Variants in ATP8A2 observed in about 807,000 individuals in gnomAD.
ATP8A2 encodes the protein phospholipid-transporting ATPase IB.
ATP8A2 carries 100 observed loss-of-function variants against 165.6 expected under a neutral mutation model. The ratio of observed to expected loss-of-function variants is 0.60; its 90% CI spans 0.51 to 0.71. ATP8A2 has a LOEUF of 0.71. Ranked by LOEUF, ATP8A2 falls within the 30% of genes least tolerant of loss-of-function variation. The probability of loss-of-function intolerance (pLI) is 0.00; values close to 1 mark genes in which losing one functional copy is unlikely to be tolerated. For missense variants in ATP8A2, 1,227 were observed against 1,479.5 expected (o/e 0.83, Z 2.80); for synonymous variants, 543 against 548.8 (o/e 0.99, Z 0.15).
intron 25 of ATP8A2, among the ~76,000 whole-genome samples, chr13:25,742,295 A>G (rs975790715): frequency 6.6e-6 from 1 of 152,094 alleles, no homozygotes; most frequent in Non-Finnish European, 1.5e-5. Context: ...ATATGCAAAA[A>G]CATCGTTATG....
intron 33 of ATP8A2, among the ~76,000 whole-genome samples, chr13:25,874,870 A>T (rs1407101869): frequency 1.3e-5 from 2 of 151,288 alleles, no homozygotes; most frequent in Non-Finnish European, 2.9e-5. Context: ...ACACAATGGG[A>T]TGTTATTCAA....
intron 25 of ATP8A2, among the ~76,000 whole-genome samples, chr13:25,733,915 A>G (rs2043710198): frequency 6.6e-6 from 1 of 152,110 alleles, no homozygotes; most frequent in African/African-American, 2.4e-5. Context: ...TAACTTCAGT[A>G]CCTTATGGCA....
intron 33 of ATP8A2, among the ~76,000 whole-genome samples, chr13:25,887,572 G>A (rs1485272150): frequency 2.6e-5 from 4 of 152,222 alleles, no homozygotes; most frequent in Middle Eastern, 3.4e-3. Context: ...TCCTGACTTC[G>A]TGATCTTCCC....
intron 33 of ATP8A2, among the ~76,000 whole-genome samples, chr13:25,903,521 C>G (rs575145331): frequency 6.6e-6 from 1 of 152,206 alleles, no homozygotes; most frequent in African/African-American, 2.4e-5. Context: ...AGAAACTTGC[C>G]GTGGCTTCTG....
chr13:25,845,536 A>G (rs1274262534), intron 30 of ATP8A2, among the ~76,000 whole-genome samples: 1 of 152,172 alleles, frequency 6.6e-6, no homozygotes, highest in Non-Finnish European at 1.5e-5. Context: ...ATTCTTATGT[A>G]TGGGTACTAA....
chr13:25,414,451 C>A (rs959270467), intron 1 of ATP8A2, among the ~76,000 whole-genome samples: 6 of 152,144 alleles, frequency 3.9e-5, no homozygotes, highest in African/African-American at 1.4e-4. Context: ...CTTGGCCTCC[C>A]AAAGTGCCGG....
chr13:25,584,059 A>G (rs2039851772), intron 23 of ATP8A2, among the ~76,000 whole-genome samples: 1 of 152,218 alleles, frequency 6.6e-6, no homozygotes, highest in Non-Finnish European at 1.5e-5. Flanking sequence ...GGTGTTACTA[A>G]GTAAGCTTCT....
At chr13:25,407,142 A>G (rs1009320473) in intron 1 of ATP8A2, among the ~76,000 whole-genome samples, 16 of 152,220 alleles carry the variant, frequency 1.1e-4, no homozygotes, top group African/African-American at 3.9e-4. Flanking sequence ...CCAAGGTTTC[A>G]TGAAAGAAAA....
At chr13:25,525,595 A>T (rs1485758830) in intron 2 of ATP8A2, among the ~76,000 whole-genome samples, 2 of 151,736 alleles carry the variant, frequency 1.3e-5, no homozygotes, top group East Asian at 1.9e-4. Context: ...TTGGATGGAA[A>T]TTTTTTTTCT....
At chr13:25,721,240 A>T (rs965556835) in intron 25 of ATP8A2, among the ~76,000 whole-genome samples, 2 of 151,112 alleles carry the variant, frequency 1.3e-5, no homozygotes, top group Non-Finnish European at 2.9e-5. Flanking sequence ...TTGTTGAGTT[A>T]CAGTCCATAT....
At chr13:25,881,608 A>C (rs1488530873) in intron 33 of ATP8A2, among the ~76,000 whole-genome samples, 1 of 152,084 alleles carries the variant, frequency 6.6e-6, no homozygotes, top group African/African-American at 2.4e-5. Context: ...AGAGAGAGAG[A>C]GAGAAAGAGA....
At chr13:25,705,526 G>T (rs2137949802) in intron 25 of ATP8A2, among the ~76,000 whole-genome samples, 1 of 152,276 alleles carries the variant, frequency 6.6e-6, no homozygotes, top group Admixed American at 6.5e-5. Flanking sequence ...TTAGACTTCT[G>T]TCTTTCAGGA....
chr13:25,466,354 G>C (rs1387988360), intron 1 of ATP8A2, among the ~76,000 whole-genome samples: 1 of 151,720 alleles, frequency 6.6e-6, no homozygotes, highest in Non-Finnish European at 1.5e-5. Flanking sequence ...TTCCTACAAT[G>C]CCCTTCCCTT....
intron 24 of ATP8A2, among the ~76,000 whole-genome samples, chr13:25,612,333 C>T (rs1272591465): frequency 6.6e-6 from 1 of 151,910 alleles, no homozygotes; most frequent in Non-Finnish European, 1.5e-5. Flanking sequence ...ATAGGTTGTA[C>T]CACTGTTATT....
At chr13:25,845,524 G>A (rs1202207969) in intron 30 of ATP8A2, among the ~76,000 whole-genome samples, 1 of 152,088 alleles carries the variant, frequency 6.6e-6, no homozygotes, top group Non-Finnish European at 1.5e-5. Context: ...AATACCATAC[G>A]GATTCTTATG....
chr13:25,432,354 TC>T (rs1210850529), intron 1 of ATP8A2, among the ~76,000 whole-genome samples: 1 of 152,206 alleles, frequency 6.6e-6, no homozygotes, highest in African/African-American at 2.4e-5. Context: ...TTGTGCCTCA[TC>T]TACAGTGCTC....
At chr13:25,520,614 T>G (rs1423036581) in intron 2 of ATP8A2, among the ~76,000 whole-genome samples, 27 of 150,146 alleles carry the variant, frequency 1.8e-4, no homozygotes, top group Non-Finnish European at 2.8e-4. Flanking sequence ...TTGTTTTTTT[T>G]TTTTGAGATG....
At chr13:26,012,470 T>C (rs1956869274) in intron 35 of ATP8A2, 61 bp from the exon 36 acceptor site, 2 of 1,370,656 alleles carry the variant, frequency 1.5e-6, no homozygotes, top group South Asian at 1.3e-5. Flanking sequence ...CTTCTGTCTG[T>C]CTCCTTGTGC....
chr13:25,832,428 C>T (rs1355434907), intron 28 of ATP8A2, among the ~76,000 whole-genome samples: 1 of 152,160 alleles, frequency 6.6e-6, no homozygotes, highest in Non-Finnish European at 1.5e-5. Flanking sequence ...GTAGGCCAGT[C>T]TCACTTATAA....
Sources: allele counts gnomAD v4.1 joint callset (sites outside exome capture counted in the v4.1 genomes callset), GRCh38; gene constraint gnomAD v4.1.1; transcripts MANE v1.5; gene names NCBI Gene and HGNC (gene_info 2026-07-23, HGNC 2026-07-21).